MYO9B: variants seen among roughly 807,000 people sequenced by gnomAD.
The protein encoded by MYO9B is unconventional myosin-IXb.
Under a neutral mutation model 229.5 loss-of-function variants are expected in MYO9B, and 71 were observed. The ratio of observed to expected loss-of-function variants is 0.31; its 90% CI spans 0.26 to 0.38. MYO9B has a LOEUF of 0.38. MYO9B is among the 10% of genes least tolerant of loss of function. MYO9B has a pLI of 1.00. For missense variants in MYO9B, 2,255 were observed against 2,920.5 expected, an observed-to-expected ratio of 0.77 and a Z score of 5.25; for synonymous variants, 1,185 against 1,235.8, an observed-to-expected ratio of 0.96 and a Z score of 0.86.
chr19:17,172,929 A>T lies in MYO9B; in HGVS notation c.2106A>T (p.Gly702=). 2 of 1,599,136 alleles carry T rather than the reference A, an allele frequency of 1.3e-6. No individual in the cohort carries two copies. Among genetic ancestry groups the T allele is most frequent in the Non-Finnish European group, 1.7e-6 (2 of 1,179,582 alleles). The part of the protein sequence containing the change: ...IRAMAVLREA[G]RLRAERAEKA... Reference sequence around the variant, plus strand: ...CCATGGCAGTGCTTCGGGAGGCCGGACGCCTGCGGGCCGAGAGGGCCGAAA... The same window carrying T: ...CCATGGCAGTGCTTCGGGAGGCCGGTCGCCTGCGGGCCGAGAGGGCCGAAA... The change falls in exon 13 of 40, where the codon GGA becomes GGT. Residue 702 remains glycine, a synonymous_variant. Transcript: ENST00000682292. This position sits in a 1 kb window ranked among gnomAD's most constrained non-coding sequence, Gnocchi z 8.2.
chr19:17,210,364 C>T lies in MYO9B; in HGVS notation c.5780C>T (p.Pro1927Leu), dbSNP rs747253173. The stretch of plus-strand genomic sequence containing the variant: ...CCTCTCAAACTGGGGTTTTCGTCTC[C>T]CTATGAGGGGGTCCTGGTATGTACG... Reference protein sequence around the residue: ...PWPLKLGFSSPYEGVLNKSPK... With the variant: ...PWPLKLGFSSLYEGVLNKSPK... The change falls in exon 37 of 40, where the codon CCC becomes CTC. Residue 1927 changes from proline to leucine, a missense_variant. By Grantham distance (98) the Pro-to-Leu change is moderately conservative (BLOSUM62 -3). Around this residue, in one of 7 missense-constraint regions of MYO9B, gnomAD observed 331 missense variants for 332.5 expected, o/e 1.00. Coordinates refer to ENST00000682292, the MANE Select transcript of MYO9B (RefSeq NM_004145.4). 1.8e-5 allele frequency: 28 copies of T among 1,599,192 alleles called. No individual in the cohort carries two copies. Among genetic ancestry groups the T allele is most frequent in the Non-Finnish European group, 2.0e-5 (24 of 1,172,792 alleles).
At chr19:17,207,808 C>T (rs537278881) in intron 35 of MYO9B, 4 of 152,086 alleles carry the variant, frequency 2.6e-5, no homozygotes, top group Non-Finnish European at 1.5e-5. Context: ...GTCGGGAGTT[C>T]GAGACGAGCC....
At chr19:17,121,690 GC>G (rs1359941549) in intron 2 of MYO9B, among the ~76,000 whole-genome samples, 1 of 152,120 alleles carries the variant, frequency 6.6e-6, no homozygotes, top group Non-Finnish European at 1.5e-5. Flanking sequence ...CACTTTTGCC[GC>G]ATTAAAAGTA....
chr19:17,203,864 C>G (rs778257968), intron 30 of MYO9B, among the ~76,000 whole-genome samples: 2 of 152,074 alleles, frequency 1.3e-5, no homozygotes, highest in South Asian at 4.1e-4. Flanking sequence ...CCCCTCCTTC[C>G]CCAGGCTCCT....
Position 17,126,669 on chromosome 19 carries a change from T to C in MYO9B, c.841-18728T>C, listed in dbSNP as rs1285565872. ...GAGATCTTTTGACTTTTTTTTTTCT[T>C]TTTTTTTTTTTTTGAGACGGAGTCT... On this transcript the variant is annotated intron_variant, in intron 2 of 39. Transcript: ENST00000682292. Among the ~76,000 whole-genome samples, 7 of 146,210 alleles carry C rather than the reference T, an allele frequency of 4.8e-5. No individual in the cohort carries two copies. In the East Asian group the frequency reaches 7.8e-4, roughly 16 times the overall value.
Position 17,102,377 on chromosome 19 carries a change from C to T in MYO9B, c.660C>T (p.Asp220=), listed in dbSNP as rs61009079. The change falls in exon 2 of 40, where the codon GAC becomes GAT. Residue 220 remains aspartate, a synonymous_variant. Coordinates refer to ENST00000682292, the MANE Select transcript of MYO9B (RefSeq NM_004145.4). ...AGCCACACGTCTTCGCGCTGGCCGA[C>T]GTGGCCTACTACACCATGCTCAGGA... ...KLEPHVFALA[D]VAYYTMLRKR... 3,764 of 1,614,000 alleles carry T rather than the reference C, an allele frequency of 2.3e-3. 80 individuals are homozygous for T. In the African/African-American group the frequency reaches 0.045, roughly 19 times the overall value.
At chr19:17,201,722 G>A (rs950156012) in intron 26 of MYO9B, among the ~76,000 whole-genome samples, 6 of 152,214 alleles carry the variant, frequency 3.9e-5, no homozygotes, top group Middle Eastern at 3.4e-3. Context: ...GCCCCAATGT[G>A]GAGAGTAGTC....
Position 17,192,965 on chromosome 19 carries a change from T to A in MYO9B, c.3031T>A (p.Ser1011Thr), listed in dbSNP as rs1545620. ...GCAGGCTGCCGTGTACCTCCAGGCC[T>A]CATGGAGGGGCTACTGGCAGCGGAA... ...RTQAAVYLQA[S>T]WRGYWQRKLY... Residue 1011 changes from serine to threonine, a missense_variant, in exon 21 of 40, where the codon TCA becomes ACA. Ser to Thr is a moderately conservative substitution (Grantham distance 58). Coordinates refer to ENST00000682292, the MANE Select transcript of MYO9B (RefSeq NM_004145.4). 9 of 1,528,174 alleles carry A rather than the reference T, an allele frequency of 5.9e-6. No homozygotes were observed. Among genetic ancestry groups the A allele is most frequent in the Non-Finnish European group, 6.2e-6 (7 of 1,131,454 alleles). The allele number at this position is 1,528,174 out of a possible 1,614,324, so 94.7% of individuals were successfully genotyped here.
intron 1 of MYO9B, among the ~76,000 whole-genome samples, chr19:17,096,925 C>T (rs1304929548): frequency 1.3e-5 from 2 of 151,064 alleles, no homozygotes; most frequent in African/African-American, 2.4e-5. Context: ...GATCTGACCT[C>T]GTGATCCGCC....
Position 17,203,146 on chromosome 19 carries a change from G to T in MYO9B, c.4879-1G>T. The stretch of plus-strand genomic sequence containing the variant: ...CCCAGCGCCTTCCTCTGGCCTCACA[G>T]GTCCAGGAGCACAACGGGCACGTGT... On this transcript the variant is annotated splice_acceptor_variant, in intron 29 of 39. Coordinates refer to ENST00000682292, the MANE Select transcript of MYO9B (RefSeq NM_004145.4). LOFTEE classifies it high-confidence loss of function. 6.4e-7 allele frequency: 1 copy of T among 1,566,234 alleles called. No homozygotes were observed. The highest frequency in any genetic ancestry group is 8.7e-7 in the Non-Finnish European group (1 of 1,155,396).
chr19:17,121,941 G>A (rs1022517460), intron 2 of MYO9B, among the ~76,000 whole-genome samples: 10 of 151,714 alleles, frequency 6.6e-5, no homozygotes, highest in East Asian at 3.9e-4. Context: ...AGCCAGGATC[G>A]TGCCACTGCA....
At chr19:17,182,429 G>A (rs972901190) in intron 15 of MYO9B, among the ~76,000 whole-genome samples, 1 of 151,568 alleles carries the variant, frequency 6.6e-6, no homozygotes, top group Admixed American at 6.6e-5. Context: ...TTTTGAGGCA[G>A]AGTCTCACTC....
chr19:17,202,048 C>T, intron 27 of MYO9B, 24 bp downstream of exon 27: 1 of 1,611,550 alleles, frequency 6.2e-7, no homozygotes, highest in Non-Finnish European at 8.5e-7. Flanking sequence ...CGGCCTTCAG[C>T]CTTTCCCATA....
chr19:17,158,641 G>A (rs2072563354), intron 7 of MYO9B, among the ~76,000 whole-genome samples: 1 of 151,950 alleles, frequency 6.6e-6, no homozygotes, highest in African/African-American at 2.4e-5. Flanking sequence ...CACTCTTGCT[G>A]CTGGTGGGCA....
In MYO9B at chr19:17,206,103, G is replaced by A. The variant is rs1056240019; in HGVS notation, c.5208G>A (p.Lys1736=). 1.2e-6 allele frequency: 2 copies of A among 1,607,366 alleles called. No individual in the cohort carries two copies. The highest frequency in any genetic ancestry group is 1.7e-6 in the Non-Finnish European group (2 of 1,175,382). The change falls in exon 32 of 40, where the codon AAG becomes AAA. Residue 1736 remains lysine (K), a synonymous_variant. Transcript: ENST00000682292. ...TGTACACCGAGGGCCTCTACCGCAA[G>A]TCGGGTGCTGCCAACCGCACTCGGG... ...HGLYTEGLYR[K]SGAANRTREL...
intron 20 of MYO9B, among the ~76,000 whole-genome samples, chr19:17,191,514 G>C (rs767619755): frequency 6.6e-6 from 1 of 152,202 alleles, no homozygotes; most frequent in African/African-American, 2.4e-5. Flanking sequence ...GAGATGGTCA[G>C]TCCCCTTTAC....
chr19:17,090,336 A>G (rs1409225461), intron 1 of MYO9B, among the ~76,000 whole-genome samples: 3 of 151,534 alleles, frequency 2.0e-5, no homozygotes, highest in Non-Finnish European at 4.4e-5. Flanking sequence ...TTTTCTGTAG[A>G]GACGAGGTTT....
chr19:17,200,599 C>A (rs1568299506), intron 25 of MYO9B, 40 bp from the exon 26 acceptor site: 1 of 1,574,222 alleles, frequency 6.4e-7, no homozygotes, highest in South Asian at 1.1e-5. Flanking sequence ...CATCCTCCCC[C>A]TGAACCCACC....
At chr19:17,174,233 A>G (rs373703490) in intron 13 of MYO9B, among the ~76,000 whole-genome samples, 55 of 151,674 alleles carry the variant, frequency 3.6e-4, no homozygotes, top group African/African-American at 1.3e-3. Context: ...GGGTTTCACC[A>G]TGTTAGCCAG....
Sources: allele counts gnomAD v4.1 joint callset (sites outside exome capture counted in the v4.1 genomes callset), GRCh38; gene constraint gnomAD v4.1.1; regional missense constraint gnomAD v4.1.1; non-coding constraint Gnocchi (gnomAD v3.1); transcripts MANE v1.5; gene names NCBI Gene and HGNC (gene_info 2026-07-23, HGNC 2026-07-21).